The following SYNRG variants were observed in gnomAD, a reference collection of about 807,000 sequenced individuals.
SYNRG encodes the protein synergin gamma.
Under a neutral mutation model 130.9 loss-of-function variants are expected in SYNRG, and 37 were observed. That is an observed-to-expected ratio of 0.28 (90% CI 0.22 to 0.37). The LOEUF (loss-of-function observed/expected upper bound fraction) is 0.37. Among genes scored for constraint, SYNRG ranks in the 10% least tolerant of loss-of-function variants. The probability of loss-of-function intolerance (pLI) is 1.00; values close to 1 mark genes in which losing one functional copy is unlikely to be tolerated. For missense variants in SYNRG, 1,338 were observed against 1,588.9 expected (o/e 0.84, Z 2.68); for synonymous variants, 539 against 568.1 (o/e 0.95, Z 0.73).
intron 19 of SYNRG, among the ~76,000 whole-genome samples, chr17:37,523,701 A>G: frequency 6.6e-6 from 1 of 152,202 alleles, no homozygotes; most frequent in East Asian, 1.9e-4. Context: ...AGCTCCAAGC[A>G]GCAAACTCTG....
intron 1 of SYNRG, chr17:37,605,964 G>C: frequency 1.0e-6 from 1 of 985,418 alleles, no homozygotes; most frequent in Non-Finnish European, 1.2e-6. Flanking sequence ...TAATTCATCT[G>C]ATGCAGCACA....
In SYNRG at chr17:37,576,391, G is replaced by A. The variant is rs761361274; in HGVS notation, c.851C>T (p.Pro284Leu). 1.9e-6 allele frequency: 3 copies of A among 1,613,946 alleles called. No individual in the cohort carries two copies. In the Admixed American group the frequency reaches 5.0e-5, roughly 27 times the overall value. ...CCAAGGAGGCATTCTGGGCTGAGCA[G>A]GATCCTGTGAGGGAAATACTCCCAC... ...SGVGVFPSQD[P>L]AQPRMPPWIY... is the part of the protein sequence containing the mutation. Residue 284 changes from proline to leucine, a missense_variant, in exon 8 of 22, where the codon CCT (proline) becomes CTT (leucine). Around this residue, in one of 3 missense-constraint regions of SYNRG, gnomAD observed 1,146 missense variants for 1,342.3 expected, o/e 0.85. Coordinates refer to ENST00000612223, the MANE Select transcript of SYNRG (RefSeq NM_007247.6).
Position 37,536,119 on chromosome 17 carries a change from C to A in SYNRG, c.3526G>T (p.Glu1176Ter). 1 of 1,610,526 alleles carries A rather than the reference C, an allele frequency of 6.2e-7. No individual in the cohort carries two copies. The highest frequency in any genetic ancestry group is 8.5e-7 in the Non-Finnish European group (1 of 1,178,222). ...QGMEYLLGVV[E>*]VYRVTKRVEL... ...ACACGCTTGGTTACCCTGTACACTT[C>A]AACAACACCTGACGGGATGAGAGAG... Residue 1176 changes from glutamate (E) to a stop codon, truncating the protein, a stop_gained, in exon 19 of 22, where the codon GAA becomes TAA. Coordinates refer to ENST00000612223, the MANE Select transcript of SYNRG (RefSeq NM_007247.6). LOFTEE classifies it high-confidence loss of function.
At chr17:37,581,747 TG>T (rs2061354133) in intron 6 of SYNRG, among the ~76,000 whole-genome samples, 1 of 149,664 alleles carries the variant, frequency 6.7e-6, no homozygotes, top group East Asian at 2.0e-4. Context: ...CCACCACTCC[TG>T]GCCCCACATT....
rs1481368998 is a variant in SYNRG, at chr17:37,516,796, T to C, written c.*2144A>G. ...AGCTGGGACCACGAATGTCCACAGA[T>C]GCACTCCACCTACCCGGCTAATTAT... On this transcript the variant is annotated 3_prime_UTR_variant, in exon 22 of 22. Coordinates refer to ENST00000612223, the MANE Select transcript of SYNRG (RefSeq NM_007247.6). The C allele has an allele frequency of 6.6e-6, 1 of 152,108 alleles. No individual in the cohort carries two copies. Among genetic ancestry groups the C allele is most frequent in the Non-Finnish European group, 1.5e-5 (1 of 68,050 alleles). The allele number at this position is 152,108 out of a possible 1,614,324, so 9.4% of individuals were successfully genotyped here.
chr17:37,603,298 GTT>G (rs538321985), intron 1 of SYNRG, among the ~76,000 whole-genome samples: 278 of 152,174 alleles, frequency 1.8e-3, no homozygotes, highest in Non-Finnish European at 3.0e-3. Flanking sequence ...GAGCCCATGA[GTT>G]TGAGACCAGC....
intron 6 of SYNRG, among the ~76,000 whole-genome samples, chr17:37,578,147 T>C (rs2061002529): frequency 6.6e-6 from 1 of 151,728 alleles, no homozygotes; most frequent in Non-Finnish European, 1.5e-5. Flanking sequence ...CTGACCCACA[T>C]AATGAAACCC....
At chr17:37,555,283 C>T (rs1261130139) in intron 13 of SYNRG, among the ~76,000 whole-genome samples, 1 of 152,126 alleles carries the variant, frequency 6.6e-6, no homozygotes, top group South Asian at 2.1e-4. Flanking sequence ...CCTGCCACCA[C>T]GCCCGGCTAA....
intron 14 of SYNRG, among the ~76,000 whole-genome samples, chr17:37,548,966 T>A (rs567539910): frequency 6.6e-6 from 1 of 151,258 alleles, no homozygotes; most frequent in Non-Finnish European, 1.5e-5. Context: ...GAAACCCCCA[T>A]CTCTATTAAA....
rs755926127 is a variant in SYNRG at position 37,538,745 on chromosome 17, C to A, written c.3421-325G>T. Among the ~76,000 whole-genome samples the A allele has an allele frequency of 1.6e-4, 25 of 152,294 alleles. No homozygotes were observed. The South Asian group carries it at 1.7e-3, about 10-fold the overall frequency. On this transcript the variant is annotated intron_variant, in intron 17 of 21. Coordinates refer to ENST00000612223, the MANE Select transcript of SYNRG (RefSeq NM_007247.6). ...GAGTAGCTGAGATTACAGGCACGTG[C>A]CACCACGCCTGGCTAATTTTTGCAT... is the stretch of plus-strand genomic sequence containing the variant.
chr17:37,607,367 A>C (rs909052651), intron 1 of SYNRG, among the ~76,000 whole-genome samples: 5 of 152,194 alleles, frequency 3.3e-5, no homozygotes, highest in African/African-American at 1.2e-4. Context: ...AGTAAATAAA[A>C]ATTTGGGCCT....
chr17:37,559,311 T>C (rs1369643695), intron 13 of SYNRG, among the ~76,000 whole-genome samples: 1 of 152,172 alleles, frequency 6.6e-6, no homozygotes, highest in African/African-American at 2.4e-5. Flanking sequence ...AATATTTTCT[T>C]TCTAGATCAT....
chr17:37,565,101 TA>T (rs2059825272), intron 11 of SYNRG, among the ~76,000 whole-genome samples: 1 of 151,956 alleles, frequency 6.6e-6, no homozygotes, highest in South Asian at 2.1e-4. Context: ...CCATCTCTAC[TA>T]AAAATACAAA....
intron 3 of SYNRG, among the ~76,000 whole-genome samples, chr17:37,588,258 CTTTTTTTTT>C (rs35767898): frequency 2.7e-3 from 278 of 103,200 alleles, no homozygotes; most frequent in Non-Finnish European, 4.2e-3. Flanking sequence ...ACTTTAAATT[CTTTTTTTTT>C]TTTTTTTTTT....
At chr17:37,576,494 T>C (rs2060849736) in intron 7 of SYNRG, 76 bp from the exon 8 acceptor site, 1 of 1,419,874 alleles carries the variant, frequency 7.0e-7, no homozygotes, top group Non-Finnish European at 9.7e-7. Flanking sequence ...CATGGTTTTT[T>C]ACAAAGAGCA....
chr17:37,520,328 G>T, intron 20 of SYNRG, 114 bp from the exon 21 acceptor site: 4 of 1,411,416 alleles, frequency 2.8e-6, no homozygotes, highest in Non-Finnish European at 4.0e-6. Context: ...TATGCACAGG[G>T]TGCTGCAGGC....
intron 8 of SYNRG, among the ~76,000 whole-genome samples, chr17:37,575,817 T>C (rs1351833172): frequency 5.8e-5 from 8 of 137,112 alleles, no homozygotes; most frequent in African/African-American, 2.2e-4. Context: ...AACTCCAGCC[T>C]GGGTGACAGT....
chr17:37,545,859 G>T (rs1051677633), intron 14 of SYNRG, among the ~76,000 whole-genome samples: 19 of 152,096 alleles, frequency 1.2e-4, no homozygotes, highest in African/African-American at 4.3e-4. Context: ...AAGTAATTTC[G>T]TAAAGTGTAA....
intron 13 of SYNRG, 125 bp downstream of exon 13, chr17:37,561,070 T>C: frequency 2.5e-6 from 2 of 784,662 alleles, no homozygotes; most frequent in East Asian, 2.6e-5. Flanking sequence ...CATTCAGTTT[T>C]TTTCTCCTAA....
Sources: allele counts gnomAD v4.1 joint callset (sites outside exome capture counted in the v4.1 genomes callset), GRCh38; gene constraint gnomAD v4.1.1; regional missense constraint gnomAD v4.1.1; transcripts MANE v1.5; gene names NCBI Gene and HGNC (gene_info 2026-07-23, HGNC 2026-07-21).